Variants in CHST1 observed in about 807,000 individuals in gnomAD.
The protein encoded by CHST1 is Keratan sulfotransferase.
A neutral mutation model predicts 22.5 loss-of-function variants in CHST1; 10 were observed. The ratio of observed to expected loss-of-function variants is 0.44; its 90% confidence interval spans 0.27 to 0.75. The LOEUF is 0.75. CHST1 is among the 30% of genes least tolerant of loss of function. The pLI, the probability that CHST1 is intolerant of heterozygous loss-of-function variation, is 0.15. For synonymous variants in CHST1, 267 were observed against 264.5 expected, an observed-to-expected ratio of 1.01 and a Z score of -0.09; for missense variants, 439 against 576.1, an observed-to-expected ratio of 0.76 and a Z score of 2.44.
chr11:45,658,323 A>C (rs1852087785), intron 1 of CHST1, among the ~76,000 whole-genome samples: 1 of 152,234 alleles, frequency 6.6e-6, no homozygotes, highest in Non-Finnish European at 1.5e-5. Context: ...ACAGCTTAAC[A>C]CAGTGCTAGG....
rs111740567 is a variant in CHST1, at chr11:45,650,198, C to T, written c.726G>A (p.Ser242=). The change falls in exon 4 of 4, where the codon TCG becomes TCA. Residue 242 remains serine (S), a synonymous_variant. Coordinates refer to ENST00000308064, the MANE Select transcript of CHST1 (RefSeq NM_003654.6). The stretch of plus-strand genomic sequence containing the variant: ...ACGTGTCGCGGAAGGTCTCGCTGCG[C>T]GAAGCCAGAATGCCGCGGGGGTCTC... ...LVRDPRGILA[S]RSETFRDTYR... is the part of the protein sequence containing the mutation. 13 of 1,611,642 alleles carry T rather than the reference C, an allele frequency of 8.1e-6. No homozygotes were observed. Among genetic ancestry groups the T allele is most frequent in the African/African-American group, 4.0e-5 (3 of 74,944 alleles).
At chr11:45,659,174 C>T (rs1278670978) in intron 1 of CHST1, among the ~76,000 whole-genome samples, 1 of 152,198 alleles carries the variant, frequency 6.6e-6, no homozygotes. Context: ...CTACTGCCAC[C>T]TTTCACAGAC....
chr11:45,654,956 TC>T (rs1852044096), intron 1 of CHST1, among the ~76,000 whole-genome samples: 1 of 152,206 alleles, frequency 6.6e-6, no homozygotes, highest in Non-Finnish European at 1.5e-5. Context: ...TCACCAGCTG[TC>T]CCTGAGCCTC....
At chr11:45,655,325 T>A (rs1852049098) in intron 1 of CHST1, among the ~76,000 whole-genome samples, 1 of 152,350 alleles carries the variant, frequency 6.6e-6, no homozygotes, top group South Asian at 2.1e-4. Context: ...CAAATCATCC[T>A]GCAGCCCACG....
At chr11:45,652,268 A>T (rs1852008032) in intron 2 of CHST1, among the ~76,000 whole-genome samples, 178 bp from the exon 3 acceptor site, 1 of 152,132 alleles carries the variant, frequency 6.6e-6, no homozygotes, top group African/African-American at 2.4e-5. Flanking sequence ...ACCCAGTGCC[A>T]TCTCTGATCC....
Position 45,649,504 on chromosome 11 carries a change from C to T in CHST1, c.*184G>A, listed in dbSNP as rs1316898745. ...AGGCGCCCTCTGCCCCAGTGATTCC[C>T]GTCCAAGACGTAGTGCAAATTTCAG... On this transcript the variant is annotated 3_prime_UTR_variant, in exon 4 of 4. Coordinates refer to ENST00000308064, the MANE Select transcript of CHST1 (RefSeq NM_003654.6). 4 of 636,048 alleles carry T rather than the reference C, an allele frequency of 6.3e-6. No individual in the cohort carries two copies. Among genetic ancestry groups the T allele is most frequent in the African/African-American group, 1.8e-5 (1 of 54,328 alleles). The allele number at this position is 636,048 out of a possible 1,614,324, so 39.4% of individuals were successfully genotyped here. A position where few individuals can be genotyped will look rare whatever the true frequency, so the allele number is the denominator to read the frequency against.
Position 45,648,097 on chromosome 11 carries a change from C to T in CHST1, c.*1591G>A, listed in dbSNP as rs147507888. Among the ~76,000 whole-genome samples, 1,000 of 152,308 alleles carry T rather than the reference C, an allele frequency of 6.6e-3. 17 individuals carry two copies. Among genetic ancestry groups the T allele is most frequent in the African/African-American group, 0.023 (951 of 41,568 alleles). ...GGAAGGGGAGGAAGCACAGCAGATT[C>T]TCTGCCAGTGTAGACACCAGTAAAC... is the stretch of plus-strand genomic sequence containing the variant. On this transcript the variant is annotated 3_prime_UTR_variant, in exon 4 of 4. Coordinates refer to ENST00000308064, the MANE Select transcript of CHST1 (RefSeq NM_003654.6).
chr11:45,657,230 G>A (rs1337147486), intron 1 of CHST1, among the ~76,000 whole-genome samples: 1 of 152,146 alleles, frequency 6.6e-6, no homozygotes, highest in African/African-American at 2.4e-5. Context: ...AATCCCCCAT[G>A]AATGTTTTAG....
chr11:45,659,862 C>T (rs1378575877), intron 1 of CHST1, among the ~76,000 whole-genome samples: 2 of 152,210 alleles, frequency 1.3e-5, no homozygotes, highest in Non-Finnish European at 2.9e-5. Context: ...CGGGTTTGGG[C>T]TCTCTGCCCA....
At chr11:45,654,348 G>A (rs1368095940) in intron 1 of CHST1, among the ~76,000 whole-genome samples, 1 of 152,256 alleles carries the variant, frequency 6.6e-6, no homozygotes, top group Non-Finnish European at 1.5e-5. Context: ...GGACACCGAG[G>A]AGGGGCATGT....
At chr11:45,663,846 AG>A (rs757449673) in intron 1 of CHST1, among the ~76,000 whole-genome samples, 1 of 152,208 alleles carries the variant, frequency 6.6e-6, no homozygotes, top group Non-Finnish European at 1.5e-5. Flanking sequence ...AAGACCCGGT[AG>A]GGAGGGGAAT....
At chr11:45,660,322 G>C (rs1032518678) in intron 1 of CHST1, among the ~76,000 whole-genome samples, 1 of 151,712 alleles carries the variant, frequency 6.6e-6, no homozygotes, top group Non-Finnish European at 1.5e-5. Flanking sequence ...GTTCATATGC[G>C]AGTGAGGTCC....
At chr11:45,664,591 G>A (rs909629343) in intron 1 of CHST1, among the ~76,000 whole-genome samples, 1 of 152,244 alleles carries the variant, frequency 6.6e-6, no homozygotes, top group Non-Finnish European at 1.5e-5. Flanking sequence ...GCTGATCCCC[G>A]GGTCCTACCC....
chr11:45,664,043 G>A (rs1216480769), intron 1 of CHST1, among the ~76,000 whole-genome samples: 1 of 152,138 alleles, frequency 6.6e-6, no homozygotes, highest in Non-Finnish European at 1.5e-5. Flanking sequence ...CCACTGCAAG[G>A]GGCTGAGGAA....
chr11:45,656,798 G>A lies in CHST1; in HGVS notation c.-226-4192C>T, dbSNP rs182892195. ...CCAGGGTCAAAGGCACTGCTTTTCC[G>A]CCAGAAATGGGCTTTGTCTGCTCAG... On this transcript the variant is annotated intron_variant, in intron 1 of 3. Transcript: ENST00000308064. 5.0e-5 allele frequency among the ~76,000 whole-genome samples: 7 copies of A among 138,762 alleles called. No homozygotes were observed. In the East Asian group the frequency reaches 1.1e-3, roughly 21 times the overall value. 91.0% of individuals were successfully genotyped at this position (138,762 alleles called of 152,430 possible). A position where few individuals can be genotyped will look rare whatever the true frequency, so the allele number is the denominator to read the frequency against.
At chr11:45,664,462 C>A (rs1339430240) in intron 1 of CHST1, among the ~76,000 whole-genome samples, 2 of 152,248 alleles carry the variant, frequency 1.3e-5, no homozygotes, top group African/African-American at 4.8e-5. Context: ...CACTCCAGGA[C>A]GACCCCCGGG....
At chr11:45,654,742 A>G (rs1268602790) in intron 1 of CHST1, among the ~76,000 whole-genome samples, 1 of 152,250 alleles carries the variant, frequency 6.6e-6, no homozygotes, top group Non-Finnish European at 1.5e-5. Flanking sequence ...ACCACGATCT[A>G]TCATTTCTGT....
intron 1 of CHST1, among the ~76,000 whole-genome samples, chr11:45,663,400 C>A (rs1163172355): frequency 6.6e-6 from 1 of 152,140 alleles, no homozygotes; most frequent in Non-Finnish European, 1.5e-5. Flanking sequence ...CCTCTCCCAG[C>A]AGGGGCCTGT....
In CHST1 at chr11:45,650,717, C is replaced by T. The variant is rs774408481; in HGVS notation, c.207G>A (p.Thr69=). The part of the protein sequence containing the change: ...RKTHILILAT[T]RSGSSFVGQL... ...GGCCCACGAAGGAGGAGCCACTGCG[C>T]GTGGTGGCCAGGATGAGGATGTGGG... is the stretch of plus-strand genomic sequence containing the variant. Residue 69 remains threonine, a synonymous_variant, in exon 4 of 4, where the codon ACG becomes ACA. Coordinates refer to ENST00000308064, the MANE Select transcript of CHST1 (RefSeq NM_003654.6). The T allele has an allele frequency of 1.2e-6, 2 of 1,614,104 alleles. No homozygotes were observed. The highest frequency in any genetic ancestry group is 1.3e-5 in the African/African-American group (1 of 75,022).
Sources: allele counts gnomAD v4.1 joint callset (sites outside exome capture counted in the v4.1 genomes callset), GRCh38; gene constraint gnomAD v4.1.1; transcripts MANE v1.5; gene names NCBI Gene and HGNC (gene_info 2026-07-23, HGNC 2026-07-21).